OGFR: variants seen among roughly 807,000 people sequenced by gnomAD.
OGFR encodes protein 7-60.
In OGFR, 18 loss-of-function variants were observed where a neutral mutation model predicts 33.6. That is an observed-to-expected ratio of 0.54 (90% CI 0.37 to 0.80). The LOEUF is 0.80. Among genes scored for constraint, OGFR ranks in the 30% least tolerant of loss-of-function variants. OGFR has a pLI of 0.00. For synonymous variants in OGFR, 370 were observed against 400.7 expected (o/e 0.92, Z 0.91); for missense variants, 877 against 955.8 (o/e 0.92, Z 1.09).
At position 62,811,449 on chromosome 20, in the gene OGFR, G is replaced by A; in HGVS notation, c.466-13G>A. 2 of 1,610,158 alleles carry A rather than the reference G, an allele frequency of 1.2e-6. No individual in the cohort carries two copies. The highest frequency in any genetic ancestry group is 1.7e-6 in the Non-Finnish European group (2 of 1,178,952). ...GGGATGGTGCCTGAGCTCTCCAAGG[G>A]GGTCTTTTCCAGGTGTTTAAAAGCT... On this transcript the variant is annotated splice_polypyrimidine_tract_variant and intron_variant, in intron 5 of 6. Transcript: ENST00000290291.
intron 6 of OGFR, 33 bp from the exon 7 acceptor site, chr20:62,812,197 C>T (rs1432272103): frequency 1.4e-6 from 2 of 1,455,280 alleles, no homozygotes; most frequent in South Asian, 1.4e-5. Context: ...GGGGCCCCAG[C>T]CATTGACCTC....
chr20:62,813,432 C>T lies in OGFR; in HGVS notation c.1817C>T (p.Pro606Leu), dbSNP rs866414782. The change falls in exon 7 of 7, where the codon CCG (proline) becomes CTG (leucine). Residue 606 changes from proline to leucine, a missense_variant. Pro to Leu is a moderately conservative substitution (Grantham distance 98). Transcript: ENST00000290291. ...CCATCGGAGACCCCAGGCCCCCGCC[C>T]GGCAGGACCTGCAGGGGACGAGCCA... ...ESPSETPGPRPAGPAGDEPAE... is the reference protein window; with the variant it reads ...ESPSETPGPRLAGPAGDEPAE... 23 of 1,507,028 alleles carry T rather than the reference C, an allele frequency of 1.5e-5. 4 individuals are homozygous for T. Among genetic ancestry groups the T allele is most frequent in the Middle Eastern group, 4.5e-4 (2 of 4,406 alleles). The allele number at this position is 1,507,028 out of a possible 1,614,324, so 93.4% of individuals were successfully genotyped here.
chr20:62,812,950 A>C lies in OGFR; in HGVS notation c.1335A>C (p.Gln445His). ...GGGAGGCAGTGCAGCCCTGCCGCCA[A>C]CCCCTGGGAGCCAGGGTGGCCGACA... ...DPGEAVQPCR[Q>H]PLGARVADKV... is the part of the protein sequence containing the mutation. Residue 445 changes from glutamine (Q) to histidine (H), a missense_variant, in exon 7 of 7, where the codon CAA (glutamine) becomes CAC (histidine). This residue lies in a region of OGFR where 760 missense variants were observed against 736.0 expected (regional missense o/e 1.03). Transcript: ENST00000290291. 1 of 1,612,206 alleles carries C rather than the reference A, an allele frequency of 6.2e-7. No individual in the cohort carries two copies. The highest frequency in any genetic ancestry group is 8.5e-7 in the Non-Finnish European group (1 of 1,179,810).
intron 6 of OGFR, among the ~76,000 whole-genome samples, 193 bp from the exon 7 acceptor site, chr20:62,812,037 G>A (rs1990739337): frequency 1.3e-5 from 2 of 152,204 alleles, no homozygotes; most frequent in South Asian, 4.1e-4. Flanking sequence ...TGTGTCTAGG[G>A]CCCACAGGCC....
rs1990552738 is a variant in OGFR, at chr20:62,805,047, CG to C, written c.171+19del. 7.4e-7 allele frequency: 1 copy of C among 1,344,042 alleles called. No individual in the cohort carries two copies. The highest frequency in any genetic ancestry group is 9.5e-7 in the Non-Finnish European group (1 of 1,053,740). 83.3% of individuals were successfully genotyped at this position (1,344,042 alleles called of 1,614,324 possible). Reference sequence around the variant, plus strand: ...TCGTTCCAGGTGCGGCCCCGCGGCGCGGAAGAGGCCTGGGGTCCCCGGCGCC... The same window carrying C: ...TCGTTCCAGGTGCGGCCCCGCGGCGCGAAGAGGCCTGGGGTCCCCGGCGCC... On this transcript the variant is annotated intron_variant, in intron 1 of 6. Coordinates refer to ENST00000290291, the MANE Select transcript of OGFR (RefSeq NM_007346.4).
In OGFR at chr20:62,812,410, C is replaced by T; in HGVS notation, c.795C>T (p.His265=). The T allele has an allele frequency of 1.3e-6, 2 of 1,579,558 alleles. No individual in the cohort carries two copies. Among genetic ancestry groups the T allele is most frequent in the Non-Finnish European group, 1.7e-6 (2 of 1,163,996 alleles). Residue 265 remains histidine, a synonymous_variant, in exon 7 of 7, where the codon CAC becomes CAT. Transcript: ENST00000290291. ...DYFMFAVRCR[H]QRRQLVHFAW... Reference sequence around the variant, plus strand: ...TCATGTTCGCCGTGCGCTGCCGACACCAGCGCCGCCAGCTGGTGCACTTCG... The same window carrying T: ...TCATGTTCGCCGTGCGCTGCCGACATCAGCGCCGCCAGCTGGTGCACTTCG...
chr20:62,812,146 G>A (rs761160484), intron 6 of OGFR, 84 bp from the exon 7 acceptor site: 98 of 1,232,394 alleles, frequency 8.0e-5, no homozygotes, highest in Non-Finnish European at 9.9e-5. Flanking sequence ...TCGTGGAGCC[G>A]GGTGGGAGGG....
At chr20:62,811,239 CTGTAATCCCAGCTACTCG>C (rs1260060646) in intron 5 of OGFR, among the ~76,000 whole-genome samples, 1 of 152,192 alleles carries the variant, frequency 6.6e-6, no homozygotes. Flanking sequence ...TGGCAGGCAA[CTGTAATCCCAGCTACTCG>C]GGAGGCAGAG....
At chr20:62,811,990 C>T (rs1053153054) in intron 6 of OGFR, among the ~76,000 whole-genome samples, 1 of 152,214 alleles carries the variant, frequency 6.6e-6, no homozygotes, top group African/African-American at 2.4e-5. Context: ...GGTACAGCCA[C>T]CCTCTAGGTG....
chr20:62,808,250 C>T lies in OGFR; in HGVS notation c.244C>T (p.Leu82=). The T allele has an allele frequency of 6.2e-7, 1 of 1,612,416 alleles. No individual in the cohort carries two copies. Among genetic ancestry groups the T allele is most frequent in the Non-Finnish European group, 8.5e-7 (1 of 1,178,948 alleles). The change falls in exon 3 of 7, where the codon CTG becomes TTG. Residue 82 remains leucine (L), a synonymous_variant. Transcript: ENST00000290291. The part of the protein sequence containing the change: ...MCRYRHNYPD[L]VERDCNGDTP... ...TCCCCTTTCTCTGGCTCTTCAGGAT[C>T]TGGTGGAACGAGACTGCAATGGGGA...
Position 62,812,189 on chromosome 20 carries a change from G to T in OGFR, c.615-41G>T, listed in dbSNP as rs1420464582. ...GGGCGGGGTGCGGCCCAGCAGGAGG[G>T]GCCCCAGCCATTGACCTCTCCTGAC... On this transcript the variant is annotated intron_variant, in intron 6 of 6. Coordinates refer to ENST00000290291, the MANE Select transcript of OGFR (RefSeq NM_007346.4). 4 of 1,449,010 alleles carry T rather than the reference G, an allele frequency of 2.8e-6. No homozygotes were observed. The African/African-American group carries it at 5.8e-5, about 21-fold the overall frequency. The allele number at this position is 1,449,010 out of a possible 1,614,324, so 89.8% of individuals were successfully genotyped here. A position where few individuals can be genotyped will look rare whatever the true frequency, so the allele number is the denominator to read the frequency against.
intron 6 of OGFR, 136 bp from the exon 7 acceptor site, chr20:62,812,094 A>T (rs1056163417): frequency 1.3e-6 from 1 of 760,110 alleles, no homozygotes; most frequent in South Asian, 1.9e-5. Context: ...CAGAGAGGTA[A>T]ATGGAGAGAG....
In OGFR at chr20:62,812,628, G is replaced by A. The variant is rs1258778258; in HGVS notation, c.1013G>A (p.Gly338Glu). ...TGTGGGCCAGAGCATAGCAAGGGTG[G>A]GGGCAGGGTGGACGAGGGGCCCCAG... ...RTCGPEHSKG[G>E]GRVDEGPQPR... The change falls in exon 7 of 7, where the codon GGG (glycine) becomes GAG (glutamate). Residue 338 changes from glycine (G) to glutamate (E), a missense_variant. Physicochemically the swap from Gly to Glu is moderately conservative, Grantham distance 98 (BLOSUM62 -2). Coordinates refer to ENST00000290291, the MANE Select transcript of OGFR (RefSeq NM_007346.4). 1 of 1,561,134 alleles carries A rather than the reference G, an allele frequency of 6.4e-7. No homozygotes were observed. Among genetic ancestry groups the A allele is most frequent in the Non-Finnish European group, 8.7e-7 (1 of 1,153,762 alleles).
chr20:62,805,166 C>CT (rs1010412881), intron 1 of OGFR, 136 bp downstream of exon 1: 11 of 597,924 alleles, frequency 1.8e-5, no homozygotes, highest in Admixed American at 4.5e-5. Context: ...GACCCCCCCC[C>CT]AGACCGGCCG....
rs1279236132 is a variant in OGFR at position 62,813,922 on chromosome 20, T to TG, written c.*279dup. 8 of 557,066 alleles carry TG rather than the reference T, an allele frequency of 1.4e-5. No individual in the cohort carries two copies. The highest frequency in any genetic ancestry group is 3.1e-5 in the East Asian group (1 of 32,746). The allele number at this position is 557,066 out of a possible 1,614,324, so 34.5% of individuals were successfully genotyped here. ...TCTTTGTAAATTGACCCTTCTGGAG[T>TG]GGGGGGCGGCGGGCAGGGCTGCTTT... is the stretch of plus-strand genomic sequence containing the variant. On this transcript the variant is annotated 3_prime_UTR_variant, in exon 7 of 7. Coordinates refer to ENST00000290291, the MANE Select transcript of OGFR (RefSeq NM_007346.4).
chr20:62,807,385 C>G, intron 1 of OGFR, 152 bp from the exon 2 acceptor site: 1 of 675,266 alleles, frequency 1.5e-6, no homozygotes, highest in South Asian at 1.8e-5. Flanking sequence ...AAAAAAGAGC[C>G]AGGGCAGGAG....
intron 5 of OGFR, 75 bp downstream of exon 5, chr20:62,810,640 G>T: frequency 6.9e-7 from 1 of 1,440,620 alleles, no homozygotes; most frequent in Non-Finnish European, 9.7e-7. Flanking sequence ...CAGAGACGGG[G>T]TCGCCTCTGG....
chr20:62,807,325 G>A (rs1473886317), intron 1 of OGFR: 2 of 599,026 alleles, frequency 3.3e-6, no homozygotes, highest in Non-Finnish European at 6.0e-6. Flanking sequence ...TTCTGTGCAG[G>A]GTATTGGGAT....
At chr20:62,810,337 T>G (rs1990695611) in intron 4 of OGFR, among the ~76,000 whole-genome samples, 162 bp from the exon 5 acceptor site, 1 of 152,186 alleles carries the variant, frequency 6.6e-6, no homozygotes, top group African/African-American at 2.4e-5. Flanking sequence ...CACGCTCACC[T>G]GAGCTCTCCC....
Sources: allele counts gnomAD v4.1 joint callset (sites outside exome capture counted in the v4.1 genomes callset), GRCh38; gene constraint gnomAD v4.1.1; regional missense constraint gnomAD v4.1.1; transcripts MANE v1.5; gene names NCBI Gene and HGNC (gene_info 2026-07-23, HGNC 2026-07-21).